Variants in TUT7 observed in about 807,000 individuals in gnomAD.
TUT7 encodes terminal uridylyl transferase 7, also known as terminal uridylyltransferase 7.
A neutral mutation model predicts 165.9 loss-of-function variants in TUT7; 33 were observed. The ratio of observed to expected loss-of-function variants is 0.20; its 90% CI spans 0.15 to 0.27. The LOEUF is 0.27. Among genes scored for constraint, TUT7 ranks in the 10% least tolerant of loss-of-function variants. The pLI is 1.00. For missense variants in TUT7, 1,338 were observed against 1,762.3 expected (o/e 0.76, Z 4.31); for synonymous variants, 552 against 608.1 (o/e 0.91, Z 1.36).
At chr9:86,309,439 A>G (rs1827821726) in intron 20 of TUT7, 24 bp downstream of exon 20, 2 of 1,580,494 alleles carry the variant, frequency 1.3e-6, no homozygotes, top group Non-Finnish European at 1.7e-6. Context: ...TCCAGATAAG[A>G]AATACAATTT....
rs1392504980 is a variant in TUT7 at position 86,338,819 on chromosome 9, C to G, written c.1335+4G>C. ...GTATTCATGCATAAAGACCTCAAGC[C>G]TACCTTTGCCCAGTACCTAAATGCA... On this transcript the variant is annotated splice_donor_region_variant and intron_variant, in intron 9 of 26. Transcript: ENST00000375963. The G allele has an allele frequency of 6.3e-7, 1 of 1,599,090 alleles. No homozygotes were observed. Among genetic ancestry groups the G allele is most frequent in the Non-Finnish European group, 8.5e-7 (1 of 1,172,854 alleles).
chr9:86,344,913 T>C (rs1439253802), intron 5 of TUT7, 64 bp downstream of exon 5: 4 of 1,349,002 alleles, frequency 3.0e-6, no homozygotes, highest in Non-Finnish European at 3.0e-6. Flanking sequence ...AAAATTACTA[T>C]TGGTAGGAGA....
intron 13 of TUT7, 139 bp downstream of exon 13, chr9:86,322,734 A>T: frequency 9.6e-7 from 1 of 1,043,856 alleles, no homozygotes; most frequent in Non-Finnish European, 1.3e-6. Flanking sequence ...AAGCAGACCG[A>T]GCAGTCATAT....
intron 17 of TUT7, among the ~76,000 whole-genome samples, chr9:86,315,342 T>C (rs1419047078): frequency 6.6e-6 from 1 of 152,226 alleles, no homozygotes; most frequent in East Asian, 1.9e-4. Flanking sequence ...TTAACATCGT[T>C]CCTTCTTAGG....
At chr9:86,312,952 T>C (rs1308614765) in intron 17 of TUT7, among the ~76,000 whole-genome samples, 1 of 151,800 alleles carries the variant, frequency 6.6e-6, no homozygotes, top group Non-Finnish European at 1.5e-5. Context: ...TAATCTCAAG[T>C]ACCCAGGGAC....
At chr9:86,310,554 G>A (rs901025991) in intron 18 of TUT7, 152 bp downstream of exon 18, 2 of 593,272 alleles carry the variant, frequency 3.4e-6, no homozygotes, top group African/African-American at 3.7e-5. Flanking sequence ...CTCAGCCTCA[G>A]AACACTGCCA....
chr9:86,338,747 T>C, intron 9 of TUT7, 76 bp downstream of exon 9: 2 of 1,389,660 alleles, frequency 1.4e-6, no homozygotes, highest in South Asian at 1.9e-5. Context: ...ACACTGAAGA[T>C]TAAATTAAGT....
intron 9 of TUT7, among the ~76,000 whole-genome samples, chr9:86,337,995 C>T (rs924059604): frequency 2.0e-5 from 3 of 152,088 alleles, no homozygotes; most frequent in Admixed American, 6.5e-5. Context: ...CTCATCACCA[C>T]TAATGGAAAT....
At chr9:86,310,194 C>T (rs1402100940) in intron 18 of TUT7, among the ~76,000 whole-genome samples, 177 bp from the exon 19 acceptor site, 1 of 151,742 alleles carries the variant, frequency 6.6e-6, no homozygotes, top group African/African-American at 2.4e-5. Flanking sequence ...GCTGGGATTA[C>T]AAGCATGAGC....
intron 6 of TUT7, among the ~76,000 whole-genome samples, chr9:86,342,709 C>T (rs1233683047): frequency 1.3e-5 from 2 of 152,250 alleles, no homozygotes; most frequent in East Asian, 1.9e-4. Flanking sequence ...ACTCCAGAGA[C>T]AATTAAGCTT....
Position 86,353,074 on chromosome 9 carries a change from G to A in TUT7, c.126C>T (p.Gly42=). ...DYLIIDDHAK[G]HGSKMEKGLQ... ...GGCCCTTTTCCATTTTACTGCCATG[G>A]CCTTTAGCATGGTCATCTATTATTA... is the stretch of plus-strand genomic sequence containing the variant. The change falls in exon 2 of 27, where the codon GGC becomes GGT. Residue 42 remains glycine, a synonymous_variant. Transcript: ENST00000375963. 6.2e-7 allele frequency: 1 copy of A among 1,614,100 alleles called. No individual in the cohort carries two copies. The highest frequency in any genetic ancestry group is 1.7e-5 in the Admixed American group (1 of 60,008).
At position 86,311,745 on chromosome 9, in the gene TUT7, G is replaced by C. The variant is rs564088872; in HGVS notation, c.3275-936C>G. ...CCTGATTCTCCTGCCTCAGCCTGCC[G>C]AGTGCCTGCGATTGCAGGTGCGCGC... On this transcript the variant is annotated intron_variant, in intron 17 of 26. Coordinates refer to ENST00000375963, the MANE Select transcript of TUT7 (RefSeq NM_024617.4). This position sits in a 1 kb window ranked among gnomAD's most constrained non-coding sequence, Gnocchi z 4.4. 6.6e-6 allele frequency among the ~76,000 whole-genome samples: 1 copy of C among 151,926 alleles called. No homozygotes were observed. The highest frequency in any genetic ancestry group is 6.6e-5 in the Admixed American group (1 of 15,256).
chr9:86,337,448 G>C lies in TUT7; in HGVS notation c.1426C>G (p.Pro476Ala), dbSNP rs749497606. The C allele has an allele frequency of 6.2e-7, 1 of 1,613,820 alleles. No individual in the cohort carries two copies. The highest frequency in any genetic ancestry group is 8.5e-7 in the Non-Finnish European group (1 of 1,179,846). The change falls in exon 10 of 27, where the codon CCC (proline) becomes GCC (alanine). Residue 476 changes from proline to alanine, a missense_variant. Coordinates refer to ENST00000375963, the MANE Select transcript of TUT7 (RefSeq NM_024617.4). The part of the protein sequence containing the change: ...AIFFLQQRKE[P>A]LLPVYLGSWI... ...GATCCTAGATATACAGGCAAAAGGG[G>C]TTCTTTCCTCTGCTGAAGAAAGAAA... is the stretch of plus-strand genomic sequence containing the variant.
At chr9:86,312,448 G>C (rs1394275051) in intron 17 of TUT7, among the ~76,000 whole-genome samples, 1 of 151,868 alleles carries the variant, frequency 6.6e-6, no homozygotes, top group Non-Finnish European at 1.5e-5. Context: ...GGGAAGTGAG[G>C]AGCGTCTCCA....
At chr9:86,321,834 A>G (rs1829328168) in intron 14 of TUT7, among the ~76,000 whole-genome samples, 1 of 152,224 alleles carries the variant, frequency 6.6e-6, no homozygotes, top group Admixed American at 6.5e-5. Context: ...ATATTAAAAG[A>G]AAAATAAAAG....
At chr9:86,353,494 G>A (rs76828809) in intron 1 of TUT7, among the ~76,000 whole-genome samples, 3,038 of 152,038 alleles carry the variant, frequency 0.02, 100 homozygotes, top group African/African-American at 0.069. Context: ...AAGCTCTATA[G>A]GTTCCAGAAC....
chr9:86,312,647 A>C (rs1284315949), intron 17 of TUT7, among the ~76,000 whole-genome samples: 1 of 152,228 alleles, frequency 6.6e-6, no homozygotes, highest in African/African-American at 2.4e-5. Context: ...CCATGATGAC[A>C]ATGGCGGTTT....
intron 26 of TUT7, among the ~76,000 whole-genome samples, chr9:86,289,428 TTA>T (rs1825748100): frequency 6.6e-6 from 1 of 152,188 alleles, no homozygotes; most frequent in African/African-American, 2.4e-5. Context: ...AATAACTGTA[TTA>T]TGTCAAATAA....
At chr9:86,291,412 A>G (rs562885169) in intron 26 of TUT7, among the ~76,000 whole-genome samples, 1 of 152,184 alleles carries the variant, frequency 6.6e-6, no homozygotes, top group East Asian at 1.9e-4. Context: ...CTCTACTAAA[A>G]ATACAAAAAT....
Sources: gnomAD v4.1 joint callset for allele counts (sites outside exome capture counted in the v4.1 genomes callset) on GRCh38, gnomAD v4.1.1 for gene constraint, Gnocchi (gnomAD v3.1) non-coding constraint, MANE v1.5 for transcripts, NCBI Gene and HGNC (gene_info 2026-07-23, HGNC 2026-07-21) for gene names.